The following CNIH3 variants were observed in gnomAD, a reference collection of about 807,000 sequenced individuals.
CNIH3 encodes the protein protein cornichon homolog 3.
Under a neutral mutation model 24.1 loss-of-function variants are expected in CNIH3, and 14 were observed. The observed-to-expected ratio is 0.58, with a 90% CI of 0.38 to 0.91. The LOEUF (loss-of-function observed/expected upper bound fraction) is 0.91. Ranked by LOEUF, CNIH3 falls within the 40% of genes least tolerant of loss-of-function variation. The pLI, the probability that CNIH3 is intolerant of heterozygous loss-of-function variation, is 0.00. For missense variants in CNIH3, 178 were observed against 196.8 expected, an observed-to-expected ratio of 0.90 and a Z score of 0.57; for synonymous variants, 68 against 73.8, an observed-to-expected ratio of 0.92 and a Z score of 0.40.
At chr1:224,502,180 G>C (rs1677704178) in intron 1 of CNIH3, among the ~76,000 whole-genome samples, 1 of 152,292 alleles carries the variant, frequency 6.6e-6, no homozygotes, top group Non-Finnish European at 1.5e-5. Context: ...GGGGTCCTCA[G>C]AAACAGAGGG....
chr1:224,650,944 G>A (rs1486282679), intron 1 of CNIH3, among the ~76,000 whole-genome samples: 1 of 152,100 alleles, frequency 6.6e-6, no homozygotes, highest in Non-Finnish European at 1.5e-5. Flanking sequence ...GTGGACACTG[G>A]CTTGATGGGG....
chr1:224,536,394 C>T (rs1381404950), intron 2 of CNIH3, among the ~76,000 whole-genome samples: 2 of 147,276 alleles, frequency 1.4e-5, no homozygotes, highest in East Asian at 2.1e-4. Context: ...TGCGTTCAAG[C>T]GATTCTCCTG....
intron 3 of CNIH3, among the ~76,000 whole-genome samples, chr1:224,609,286 G>T (rs1190511525): frequency 6.6e-6 from 1 of 152,196 alleles, no homozygotes; most frequent in Non-Finnish European, 1.5e-5. Context: ...GTAGATGAAT[G>T]TTCACTAAAC....
chr1:224,698,446 G>C (rs1337977687), intron 3 of CNIH3, among the ~76,000 whole-genome samples: 1 of 152,188 alleles, frequency 6.6e-6, no homozygotes, highest in African/African-American at 2.4e-5. Context: ...GCATAAGGTA[G>C]CACCAGTGCC....
chr1:224,484,290 C>G (rs573539789), intron 1 of CNIH3, among the ~76,000 whole-genome samples: 1 of 151,426 alleles, frequency 6.6e-6, no homozygotes, highest in South Asian at 2.1e-4. Flanking sequence ...ATTAGCCGGG[C>G]GCGGTAGTGG....
At chr1:224,611,223 T>C (rs891858251) in intron 3 of CNIH3, among the ~76,000 whole-genome samples, 1 of 152,138 alleles carries the variant, frequency 6.6e-6, no homozygotes, top group African/African-American at 2.4e-5. Flanking sequence ...ATACTGAGGC[T>C]AGCAAGTCAG....
chr1:224,735,698 C>T (rs924387531), intron 5 of CNIH3, among the ~76,000 whole-genome samples: 1 of 152,030 alleles, frequency 6.6e-6, no homozygotes, highest in Non-Finnish European at 1.5e-5. Context: ...ACTGTTTTGC[C>T]CAGGCTGGAG....
At chr1:224,557,120 C>T (rs1157243904) in intron 3 of CNIH3, among the ~76,000 whole-genome samples, 1 of 152,154 alleles carries the variant, frequency 6.6e-6, no homozygotes, top group Admixed American at 6.5e-5. Flanking sequence ...CAGCTCACTG[C>T]AGCCTCCAAC....
intron 1 of CNIH3, among the ~76,000 whole-genome samples, chr1:224,648,153 A>G (rs1160500968): frequency 6.6e-6 from 1 of 152,090 alleles, no homozygotes; most frequent in Non-Finnish European, 1.5e-5. Flanking sequence ...TAATCCCAAC[A>G]CTTTGGGATT....
At chr1:224,664,136 G>GC (rs1685489152) in intron 1 of CNIH3, among the ~76,000 whole-genome samples, 1 of 152,206 alleles carries the variant, frequency 6.6e-6, no homozygotes, top group South Asian at 2.1e-4. Flanking sequence ...GGGAAGGAAT[G>GC]CAACCGCATG....
At chr1:224,724,824 A>G (rs755764705) in intron 3 of CNIH3, among the ~76,000 whole-genome samples, 3 of 151,978 alleles carry the variant, frequency 2.0e-5, no homozygotes, top group Middle Eastern at 3.2e-3. Flanking sequence ...CAGGAAACCA[A>G]CTCTGGTTCT....
intron 3 of CNIH3, among the ~76,000 whole-genome samples, chr1:224,609,028 C>A (rs11801005): frequency 6.6e-6 from 1 of 152,160 alleles, no homozygotes; most frequent in African/African-American, 2.4e-5. Flanking sequence ...CTCTCTGGCA[C>A]GGGGCCACAA....
At chr1:224,519,334 C>T (rs1238030030) in intron 1 of CNIH3, among the ~76,000 whole-genome samples, 1 of 152,152 alleles carries the variant, frequency 6.6e-6, no homozygotes. Context: ...CATCAATCTA[C>T]TTCTGTCTGT....
intron 5 of CNIH3, 106 bp from the exon 6 acceptor site, chr1:224,739,223 C>T: frequency 6.6e-7 from 1 of 1,519,158 alleles, no homozygotes; most frequent in East Asian, 2.4e-5. Context: ...GCCAAGGGGT[C>T]TGGCCTCTGG....
At chr1:224,633,988 T>C (rs1027991683) in intron 1 of CNIH3, among the ~76,000 whole-genome samples, 4 of 152,248 alleles carry the variant, frequency 2.6e-5, no homozygotes, top group African/African-American at 7.2e-5. Flanking sequence ...AAACATCTTA[T>C]TTCTCTTCCT....
chr1:224,547,185 C>A (rs890283509), intron 3 of CNIH3, among the ~76,000 whole-genome samples: 2 of 152,208 alleles, frequency 1.3e-5, no homozygotes, highest in African/African-American at 4.8e-5. Flanking sequence ...AAAGAGGGCC[C>A]TGTAATTCTC....
intron 1 of CNIH3, among the ~76,000 whole-genome samples, chr1:224,516,082 C>A (rs1036177629): frequency 1.3e-5 from 2 of 151,760 alleles, no homozygotes; most frequent in Non-Finnish European, 1.5e-5. Context: ...TTTGGGAGGC[C>A]GAGGTGGGCA....
intron 1 of CNIH3, among the ~76,000 whole-genome samples, chr1:224,489,424 G>T (rs1677156393): frequency 6.7e-6 from 1 of 150,292 alleles, no homozygotes; most frequent in Non-Finnish European, 1.5e-5. Flanking sequence ...TAAGACTTTG[G>T]TTTTTTTTTC....
intron 3 of CNIH3, among the ~76,000 whole-genome samples, chr1:224,726,852 G>A (rs372133713): frequency 6.6e-6 from 1 of 151,956 alleles, no homozygotes; most frequent in East Asian, 1.9e-4. Flanking sequence ...TTGAAAGAAT[G>A]AGATTGGCAC....
Sources: gnomAD v4.1 joint callset for allele counts (sites outside exome capture counted in the v4.1 genomes callset) on GRCh38, gnomAD v4.1.1 for gene constraint, MANE v1.5 for transcripts, NCBI Gene and HGNC (gene_info 2026-07-23, HGNC 2026-07-21) for gene names.